STXBP6: variants seen among roughly 807,000 people sequenced by gnomAD.
STXBP6 encodes syntaxin binding protein 6, also known as syntaxin-binding protein 6.
Under a neutral mutation model 26.9 loss-of-function variants are expected in STXBP6, and 21 were observed. The observed-to-expected ratio is 0.78, with a 90% CI of 0.55 to 1.12. STXBP6 has a LOEUF of 1.12. Among genes scored for constraint, STXBP6 ranks in the 50% most tolerant of loss-of-function variants. The pLI, the probability that STXBP6 is intolerant of heterozygous loss-of-function variation, is 0.00. For missense variants in STXBP6, 232 were observed against 257.9 expected, an observed-to-expected ratio of 0.90 and a Z score of 0.69; for synonymous variants, 97 against 92.6, an observed-to-expected ratio of 1.05 and a Z score of -0.27.
intron 1 of STXBP6, among the ~76,000 whole-genome samples, chr14:25,031,525 T>C (rs986763941): frequency 1.3e-5 from 2 of 152,194 alleles, no homozygotes; most frequent in Non-Finnish European, 2.9e-5. Flanking sequence ...AGAGACAGAC[T>C]ACTCCTCTGT....
At chr14:24,848,946 A>G (rs2139100481) in intron 4 of STXBP6, among the ~76,000 whole-genome samples, 1 of 152,244 alleles carries the variant, frequency 6.6e-6, no homozygotes, top group East Asian at 1.9e-4. Flanking sequence ...CCTATCCAAA[A>G]ACATCTCACA....
At chr14:24,986,631 T>C (rs902107093) in intron 1 of STXBP6, among the ~76,000 whole-genome samples, 1 of 152,184 alleles carries the variant, frequency 6.6e-6, no homozygotes, top group Non-Finnish European at 1.5e-5. Context: ...TCTTTGGAAC[T>C]GCACCCTTCA....
At position 24,987,309 on chromosome 14, in the gene STXBP6, T is replaced by C. The variant is rs146283187; in HGVS notation, c.-32-12459A>G. ...TCATCACAGGACCTAGGTCTGAGCC[T>C]GTCTTTGCCTTTACTCAATGAATAA... On this transcript the variant is annotated intron_variant, in intron 1 of 5. Transcript: ENST00000323944. Among the ~76,000 whole-genome samples, 249 of 152,372 alleles carry C rather than the reference T, an allele frequency of 1.6e-3. 1 individual carries two copies. Among genetic ancestry groups the C allele is most frequent in the African/African-American group, 5.8e-3 (240 of 41,590 alleles).
chr14:24,956,221 A>C lies in STXBP6; in HGVS notation c.154+18444T>G, dbSNP rs1364599686. ...CTGCATCTTTGAATAGACTGGAGTT[A>C]CACTGAAAAGAAGAGGACCTCAGTA... On this transcript the variant is annotated intron_variant, in intron 2 of 5. Transcript: ENST00000323944. Among the ~76,000 whole-genome samples, 3 of 152,176 alleles carry C rather than the reference A, an allele frequency of 2.0e-5. No individual in the cohort carries two copies. In the East Asian group the frequency reaches 5.8e-4, roughly 29 times the overall value.
intron 1 of STXBP6, among the ~76,000 whole-genome samples, chr14:25,010,012 G>A (rs1379223503): frequency 6.6e-6 from 1 of 152,088 alleles, no homozygotes; most frequent in Non-Finnish European, 1.5e-5. Context: ...CCCGGGCAAA[G>A]GAAAAGAGGT....
Position 25,038,613 on chromosome 14 carries a change from T to A in STXBP6, c.-33+11265A>T, listed in dbSNP as rs146073381. Among the ~76,000 whole-genome samples, 221 of 152,188 alleles carry A rather than the reference T, an allele frequency of 1.5e-3. 1 individual carries two copies. Among genetic ancestry groups the A allele is most frequent in the African/African-American group, 5.2e-3 (216 of 41,534 alleles). On this transcript the variant is annotated intron_variant, in intron 1 of 5. Transcript: ENST00000323944. The stretch of plus-strand genomic sequence containing the variant: ...CATAGGAACCCTTAGAAGCAGAGAT[T>A]AGAGTGGTTGTTACAAAGAAGGGAA...
intron 4 of STXBP6, among the ~76,000 whole-genome samples, chr14:24,833,095 A>G (rs1594927873): frequency 6.6e-6 from 1 of 152,174 alleles, no homozygotes; most frequent in Non-Finnish European, 1.5e-5. Context: ...GAGAGTTTCC[A>G]TGGTTTCTTA....
rs550498647 is a variant in STXBP6, at chr14:24,925,035, C to T, written c.154+49630G>A. ...TCAGGTTTCAGTTTAGTTCCATGTT[C>T]GTGGTGTTGTATTCAATTTGATAAA... On this transcript the variant is annotated intron_variant, in intron 2 of 5. Transcript: ENST00000323944. Among the ~76,000 whole-genome samples, 20 of 152,260 alleles carry T rather than the reference C, an allele frequency of 1.3e-4. No homozygotes were observed. In the South Asian group the frequency reaches 3.7e-3, roughly 28 times the overall value.
At chr14:24,825,104 TG>T (rs2068244121) in intron 4 of STXBP6, among the ~76,000 whole-genome samples, 1 of 152,140 alleles carries the variant, frequency 6.6e-6, no homozygotes, top group Non-Finnish European at 1.5e-5. Context: ...GTAAACTGAA[TG>T]AAAAGGAGGT....
intron 2 of STXBP6, among the ~76,000 whole-genome samples, chr14:24,965,527 A>C (rs2073708066): frequency 2.6e-5 from 4 of 152,158 alleles, no homozygotes; most frequent in Admixed American, 2.6e-4. Context: ...GTATCCCACT[A>C]ATGATGAGAT....
intron 4 of STXBP6, among the ~76,000 whole-genome samples, chr14:24,821,239 TC>T (rs1466952813): frequency 6.6e-6 from 1 of 152,196 alleles, no homozygotes; most frequent in Non-Finnish European, 1.5e-5. Context: ...AGGAATAGCT[TC>T]CTTAAATCAA....
At chr14:24,844,003 C>G (rs901830003) in intron 4 of STXBP6, among the ~76,000 whole-genome samples, 6 of 152,306 alleles carry the variant, frequency 3.9e-5, no homozygotes, top group Admixed American at 2.0e-4. Context: ...TAACTTTCGG[C>G]CCCACCCCCT....
At chr14:25,001,844 A>AT (rs1258623545) in intron 1 of STXBP6, among the ~76,000 whole-genome samples, 1 of 152,178 alleles carries the variant, frequency 6.6e-6, no homozygotes. Context: ...GTGGCAATTT[A>AT]TTTTTCCATT....
intron 2 of STXBP6, among the ~76,000 whole-genome samples, chr14:24,950,828 G>A (rs558121848): frequency 3.3e-5 from 5 of 152,112 alleles, no homozygotes; most frequent in Non-Finnish European, 7.4e-5. Flanking sequence ...ATGCCATGGT[G>A]GTTTGCTGCA....
At chr14:24,968,590 T>C (rs917095477) in intron 2 of STXBP6, among the ~76,000 whole-genome samples, 14 of 152,150 alleles carry the variant, frequency 9.2e-5, no homozygotes, top group Admixed American at 3.3e-4. Flanking sequence ...TAAGTGTTGA[T>C]ATTAACTACC....
chr14:24,868,384 C>G (rs1473638455), intron 2 of STXBP6, among the ~76,000 whole-genome samples: 1 of 152,050 alleles, frequency 6.6e-6, no homozygotes, highest in Non-Finnish European at 1.5e-5. Flanking sequence ...CAAATTAAAA[C>G]CACAATAAGA....
intron 1 of STXBP6, among the ~76,000 whole-genome samples, chr14:25,025,874 G>A (rs1013061907): frequency 7.2e-5 from 11 of 152,106 alleles, no homozygotes; most frequent in Non-Finnish European, 1.5e-4. Flanking sequence ...TACTCCCAAA[G>A]GATAAACACT....
chr14:25,020,450 C>G (rs1410238186), intron 1 of STXBP6, among the ~76,000 whole-genome samples: 4 of 152,112 alleles, frequency 2.6e-5, no homozygotes, highest in African/African-American at 4.8e-5. Context: ...TAACAAATAA[C>G]CAATCCAATT....
chr14:24,951,974 G>C (rs1486793332), intron 2 of STXBP6, among the ~76,000 whole-genome samples: 4 of 151,504 alleles, frequency 2.6e-5, no homozygotes, highest in Non-Finnish European at 4.4e-5. Flanking sequence ...GGGATTTATT[G>C]TTGTGATACT....
Sources: gnomAD v4.1 joint callset for allele counts (sites outside exome capture counted in the v4.1 genomes callset) on GRCh38, gnomAD v4.1.1 for gene constraint, MANE v1.5 for transcripts, NCBI Gene and HGNC (gene_info 2026-07-23, HGNC 2026-07-21) for gene names.